IPMK: variants seen among roughly 807,000 people sequenced by gnomAD.
The protein encoded by IPMK is inositol 1,3,4,6-tetrakisphosphate 5-kinase.
In IPMK, 17 loss-of-function variants were observed where a neutral mutation model predicts 45.8. The observed-to-expected ratio is 0.37, with a 90% CI of 0.25 to 0.56. The LOEUF is 0.56. Among genes scored for constraint, IPMK ranks in the 20% least tolerant of loss-of-function variants. The pLI is 0.79. For synonymous variants in IPMK, 180 were observed against 184.3 expected (o/e 0.98, Z 0.19); for missense variants, 399 against 498.0 (o/e 0.80, Z 1.89).
intron 3 of IPMK, among the ~76,000 whole-genome samples, chr10:58,217,211 A>G (rs1324600132): frequency 7.7e-6 from 1 of 129,092 alleles, no homozygotes; most frequent in Non-Finnish European, 1.6e-5. Flanking sequence ...GTTGTTCTGT[A>G]TATCATGCTG....
At chr10:58,244,390 GCTC>G (rs1205657601) in intron 1 of IPMK, among the ~76,000 whole-genome samples, 1 of 97,310 alleles carries the variant, frequency 1.0e-5, no homozygotes, top group East Asian at 3.9e-4. Context: ...CTGCCCGGCC[GCTC>G]CTCGTCTGGG....
intron 1 of IPMK, among the ~76,000 whole-genome samples, chr10:58,242,631 T>C (rs958082803): frequency 1.3e-5 from 2 of 152,106 alleles, no homozygotes; most frequent in African/African-American, 4.8e-5. Context: ...ATCAGTAAAT[T>C]TGGTGTCAGA....
Position 58,259,671 on chromosome 10 carries a change from TA to T in IPMK, c.190+7750del, listed in dbSNP as rs560813021. Among the ~76,000 whole-genome samples the T allele has an allele frequency of 8.0e-4, 69 of 86,740 alleles. 2 individuals are homozygous for T. Among genetic ancestry groups the T allele is most frequent in the Admixed American group, 1.6e-3 (13 of 8,358 alleles). 56.9% of individuals were successfully genotyped at this position (86,740 alleles called of 152,430 possible). A position where few individuals can be genotyped will look rare whatever the true frequency, so the allele number is the denominator to read the frequency against. On this transcript the variant is annotated intron_variant, in intron 1 of 5. Transcript: ENST00000373935. ...AGCATGGTAAAATCCCATCTCTACATAAAAAAAAAAAAAAAACAATTAGCCA... is the reference window on the plus strand; with the variant it reads ...AGCATGGTAAAATCCCATCTCTACATAAAAAAAAAAAAAAACAATTAGCCA...
At chr10:58,215,767 A>AAT (rs1588956398) in intron 4 of IPMK, among the ~76,000 whole-genome samples, 1 of 152,154 alleles carries the variant, frequency 6.6e-6, no homozygotes, top group Admixed American at 6.5e-5. Flanking sequence ...AAAATGACTG[A>AAT]ATATATATAT....
intron 1 of IPMK, among the ~76,000 whole-genome samples, chr10:58,248,831 T>C (rs1255747147): frequency 2.0e-5 from 3 of 152,244 alleles, no homozygotes. Flanking sequence ...CTTCATATAA[T>C]GAGCTCCAAT....
chr10:58,234,136 C>A (rs1838571415), intron 2 of IPMK, among the ~76,000 whole-genome samples: 1 of 152,128 alleles, frequency 6.6e-6, no homozygotes, highest in South Asian at 2.1e-4. Context: ...TCAAGGAGAA[C>A]TACAAACCAC....
chr10:58,254,994 A>G (rs530019550), intron 1 of IPMK, among the ~76,000 whole-genome samples: 50 of 152,328 alleles, frequency 3.3e-4, no homozygotes, highest in African/African-American at 1.1e-3. Context: ...CAAACTGGGG[A>G]AAACTTTAGT....
chr10:58,230,208 C>T (rs772216971), intron 2 of IPMK, among the ~76,000 whole-genome samples: 1 of 152,228 alleles, frequency 6.6e-6, no homozygotes, highest in Non-Finnish European at 1.5e-5. Flanking sequence ...CTCTAGACTC[C>T]ACCTCTGTGG....
intron 2 of IPMK, among the ~76,000 whole-genome samples, chr10:58,235,776 G>T (rs563959770): frequency 1.3e-5 from 2 of 151,898 alleles, no homozygotes. Flanking sequence ...AAACCTGCAC[G>T]TTGTGCACAT....
chr10:58,210,286 C>T (rs1373852601), intron 4 of IPMK, among the ~76,000 whole-genome samples: 3 of 152,194 alleles, frequency 2.0e-5, no homozygotes, highest in Admixed American at 6.5e-5. Flanking sequence ...TGCATGTTAA[C>T]AGCCCCAAGT....
chr10:58,204,009 C>T (rs1838034846), intron 4 of IPMK, among the ~76,000 whole-genome samples: 1 of 152,156 alleles, frequency 6.6e-6, no homozygotes, highest in Non-Finnish European at 1.5e-5. Context: ...CTCAGATGAT[C>T]ATTAGTATTC....
chr10:58,252,800 T>C (rs1443646115), intron 1 of IPMK, among the ~76,000 whole-genome samples: 1 of 151,934 alleles, frequency 6.6e-6, no homozygotes, highest in Admixed American at 6.6e-5. Flanking sequence ...TTAGTAGAGA[T>C]GGGGTTTCAC....
chr10:58,242,413 T>C (rs1266872026), intron 1 of IPMK, among the ~76,000 whole-genome samples: 1 of 148,272 alleles, frequency 6.7e-6, no homozygotes, highest in Non-Finnish European at 1.5e-5. Flanking sequence ...CGAGTCGCGA[T>C]TGTGCCACTG....
intron 2 of IPMK, among the ~76,000 whole-genome samples, chr10:58,237,302 C>G (rs1838628510): frequency 6.6e-6 from 1 of 152,100 alleles, no homozygotes; most frequent in South Asian, 2.1e-4. Flanking sequence ...TAAAAATTAC[C>G]TTCCCTAGGC....
At chr10:58,246,374 A>G (rs11006093) in intron 1 of IPMK, among the ~76,000 whole-genome samples, 25,188 of 115,904 alleles carry the variant, frequency 0.22, 4,178 homozygotes, top group African/African-American at 0.47. Context: ...GAACAAAGCT[A>G]GAGGCATCAC....
chr10:58,196,423 C>A lies in IPMK; in HGVS notation c.904G>T (p.Ala302Ser). The stretch of plus-strand genomic sequence containing the variant: ...ACTGAAGACTCTATTTTTCCATTAG[C>A]TGTGGAACTTAACACATGAAAGTTA... ...NNNFHVLSST[A>S]NGKIESSVGK... The change falls in exon 6 of 6, where the codon GCT becomes TCT. Residue 302 changes from alanine (A) to serine (S), a missense_variant. Around this residue, in one of 2 missense-constraint regions of IPMK, gnomAD observed 288 missense variants for 398.0 expected, o/e 0.72. Coordinates refer to ENST00000373935, the MANE Select transcript of IPMK (RefSeq NM_152230.5). 6.2e-7 allele frequency: 1 copy of A among 1,614,102 alleles called. No homozygotes were observed. The highest frequency in any genetic ancestry group is 1.1e-5 in the South Asian group (1 of 91,082).
chr10:58,231,342 T>C (rs1014906888), intron 2 of IPMK, among the ~76,000 whole-genome samples: 1 of 151,900 alleles, frequency 6.6e-6, no homozygotes, highest in Non-Finnish European at 1.5e-5. Flanking sequence ...ACAAAGATAC[T>C]CCTCGAGAAG....
Position 58,196,109 on chromosome 10 carries a change from T to G in IPMK, c.1218A>C (p.Leu406Phe). ...CTAAAATACTTCGAAGTACAGAAAT[T>G]AAATGCTTTAGCCCATAAACATATC... is the stretch of plus-strand genomic sequence containing the variant. ...DEGYVYGLKH[L>F]ISVLRSILDN Residue 406 changes from leucine (L) to phenylalanine (F), a missense_variant, in exon 6 of 6, where the codon TTA (leucine) becomes TTC (phenylalanine). By Grantham distance (22) the Leu-to-Phe change is conservative (BLOSUM62 0). Transcript: ENST00000373935. 6.2e-7 allele frequency: 1 copy of G among 1,613,418 alleles called. No individual in the cohort carries two copies.
chr10:58,243,909 G>C, intron 1 of IPMK, among the ~76,000 whole-genome samples: 1 of 140,998 alleles, frequency 7.1e-6, no homozygotes, highest in East Asian at 2.3e-4. Context: ...CCACCACCCC[G>C]TCTAGGAAGT....
Sources: gnomAD v4.1 joint callset for allele counts (sites outside exome capture counted in the v4.1 genomes callset) on GRCh38, gnomAD v4.1.1 for gene constraint, gnomAD v4.1.1 regional missense constraint, MANE v1.5 for transcripts, NCBI Gene and HGNC (gene_info 2026-07-23, HGNC 2026-07-21) for gene names.